Variants in FILIP1L observed in about 807,000 individuals in gnomAD.
FILIP1L encodes filamin A-interacting protein 1-like.
A neutral mutation model predicts 96.6 loss-of-function variants in FILIP1L; 55 were observed. The ratio of observed to expected loss-of-function variants is 0.57; its 90% CI spans 0.46 to 0.71. FILIP1L has a LOEUF of 0.71. Ranked by LOEUF, FILIP1L falls within the 30% of genes least tolerant of loss-of-function variation. The pLI, the probability that FILIP1L is intolerant of heterozygous loss-of-function variation, is 0.00. For missense variants in FILIP1L, 1,304 were observed against 1,321.2 expected (o/e 0.99, Z 0.20); for synonymous variants, 467 against 473.9 (o/e 0.99, Z 0.19).
intron 1 of FILIP1L, among the ~76,000 whole-genome samples, chr3:100,074,321 A>T (rs969750822): frequency 6.6e-6 from 1 of 151,920 alleles, no homozygotes; most frequent in East Asian, 1.9e-4. Context: ...GAATCCCTAC[A>T]CTCTGGGAAC....
chr3:99,984,058 GTT>G (rs1491323767), intron 1 of FILIP1L, among the ~76,000 whole-genome samples: 3 of 151,828 alleles, frequency 2.0e-5, no homozygotes, highest in African/African-American at 4.8e-5. Flanking sequence ...ATGTATGTGT[GTT>G]TGTGTGTGTG....
intron 1 of FILIP1L, among the ~76,000 whole-genome samples, chr3:100,098,305 G>C (rs1050436684): frequency 1.4e-4 from 21 of 152,174 alleles, no homozygotes; most frequent in African/African-American, 4.8e-4. Flanking sequence ...CTGTGTTTTA[G>C]AGTGAAAAAC....
chr3:99,995,661 A>G (rs1709656864), intron 1 of FILIP1L, among the ~76,000 whole-genome samples: 1 of 152,172 alleles, frequency 6.6e-6, no homozygotes, highest in Non-Finnish European at 1.5e-5. Context: ...AGGCGTTTCC[A>G]TACATCTTCT....
chr3:99,992,638 T>C (rs1451434842), intron 1 of FILIP1L, among the ~76,000 whole-genome samples: 1 of 152,148 alleles, frequency 6.6e-6, no homozygotes, highest in Non-Finnish European at 1.5e-5. Context: ...GTTGATTATT[T>C]CTTTTGGTAT....
At chr3:100,014,887 C>CTTTTTTTTTTTTTTTTTTTTTTTTTTT (rs1559725867) in intron 1 of FILIP1L, among the ~76,000 whole-genome samples, 3 of 32,464 alleles carry the variant, frequency 9.2e-5, no homozygotes, top group African/African-American at 1.2e-4. Context: ...TTTTTTTTTT[C>CTTTTTTTTTTTTTTTTTTTTTTTTTTT]TTTCTTTCTT....
chr3:99,883,429 T>C (rs1705794109), intron 4 of FILIP1L, among the ~76,000 whole-genome samples: 1 of 152,212 alleles, frequency 6.6e-6, no homozygotes, highest in African/African-American at 2.4e-5. Flanking sequence ...GTCCAAAAGG[T>C]TGGTGCTTAG....
At chr3:99,852,987 T>TA (rs1327239141) in intron 4 of FILIP1L, among the ~76,000 whole-genome samples, 1 of 152,196 alleles carries the variant, frequency 6.6e-6, no homozygotes, top group Admixed American at 6.5e-5. Flanking sequence ...ATTCAGAAGA[T>TA]GCTAGGCAGG....
chr3:99,934,710 A>G (rs950704612), intron 1 of FILIP1L, among the ~76,000 whole-genome samples: 4 of 152,242 alleles, frequency 2.6e-5, no homozygotes, highest in Non-Finnish European at 5.9e-5. Context: ...AGCTCTGTAT[A>G]CATTCTAGCT....
intron 1 of FILIP1L, among the ~76,000 whole-genome samples, chr3:99,947,494 T>C (rs951630761): frequency 6.6e-6 from 1 of 152,192 alleles, no homozygotes; most frequent in Non-Finnish European, 1.5e-5. Context: ...CTTTTCCCTA[T>C]GGATCCAGAA....
chr3:99,867,455 A>G (rs1441253592), intron 4 of FILIP1L, among the ~76,000 whole-genome samples: 2 of 152,248 alleles, frequency 1.3e-5, no homozygotes, highest in African/African-American at 4.8e-5. Flanking sequence ...TTCACTATTC[A>G]TCGCTTTTTA....
chr3:99,994,487 A>T (rs966421896), intron 1 of FILIP1L, among the ~76,000 whole-genome samples: 16 of 152,264 alleles, frequency 1.1e-4, no homozygotes, highest in African/African-American at 3.6e-4. Flanking sequence ...GTTAGGCCAC[A>T]AAACAAGTCT....
chr3:99,995,371 G>A (rs1349159944), intron 1 of FILIP1L, among the ~76,000 whole-genome samples: 2 of 152,174 alleles, frequency 1.3e-5, no homozygotes, highest in Admixed American at 1.3e-4. Context: ...ATGGTCTTAG[G>A]CAGCTCAGCC....
intron 1 of FILIP1L, among the ~76,000 whole-genome samples, chr3:100,029,949 A>G (rs184290828): frequency 6.6e-6 from 1 of 152,218 alleles, no homozygotes; most frequent in Non-Finnish European, 1.5e-5. Context: ...CAGGTGTGAC[A>G]TGAGTGAGGA....
At chr3:100,057,162 A>G (rs979803461) in intron 1 of FILIP1L, among the ~76,000 whole-genome samples, 3 of 152,188 alleles carry the variant, frequency 2.0e-5, no homozygotes, top group Non-Finnish European at 2.9e-5. Context: ...ATTTAGCTGT[A>G]TAATCTTTGC....
Position 99,931,044 on chromosome 3 carries a change from A to G in FILIP1L, c.-10-14T>C. 2 of 1,606,656 alleles carry G rather than the reference A, an allele frequency of 1.2e-6. No homozygotes were observed. The highest frequency in any genetic ancestry group is 1.7e-6 in the Non-Finnish European group (2 of 1,176,560). The stretch of plus-strand genomic sequence containing the variant: ...ATTCTTTAAAGCCTGGAAGGAGGGA[A>G]GAAAATTTGTAAAGCTTAATGGAAA... On this transcript the variant is annotated splice_polypyrimidine_tract_variant and intron_variant, in intron 1 of 5. Transcript: ENST00000477258.
intron 1 of FILIP1L, among the ~76,000 whole-genome samples, chr3:99,971,212 T>C (rs1343477666): frequency 6.6e-6 from 1 of 151,924 alleles, no homozygotes; most frequent in Admixed American, 6.6e-5. Flanking sequence ...TGGTGGCAGA[T>C]GCCTGTAGTC....
chr3:100,034,092 G>A (rs1473867516), intron 1 of FILIP1L, among the ~76,000 whole-genome samples: 1 of 152,174 alleles, frequency 6.6e-6, no homozygotes, highest in Non-Finnish European at 1.5e-5. Flanking sequence ...CTTAAGAAAA[G>A]AAGTAATTTG....
At chr3:99,851,314 T>C (rs1027948513) in intron 4 of FILIP1L, among the ~76,000 whole-genome samples, 3 of 151,978 alleles carry the variant, frequency 2.0e-5, no homozygotes, top group Non-Finnish European at 1.5e-5. Context: ...AGTAAAAGAG[T>C]AAGGGCAAGA....
At position 100,057,732 on chromosome 3, in the gene FILIP1L, G is replaced by A. The variant is rs374449306; in HGVS notation, c.-11+56321C>T. On this transcript the variant is annotated intron_variant, in intron 1 of 5. Coordinates refer to ENST00000477258, the MANE Select transcript of FILIP1L (RefSeq NM_001387850.1). ...GTTTCATAAATGCATGCATTTGGTC[G>A]CAGAAGGTATGGATGTGAGCGTGGC... is the stretch of plus-strand genomic sequence containing the variant. Among the ~76,000 whole-genome samples, 124 of 152,252 alleles carry A rather than the reference G, an allele frequency of 8.1e-4. 1 individual carries two copies. The highest frequency in any genetic ancestry group is 5.3e-4 in the African/African-American group (22 of 41,546).
Sources: gnomAD v4.1 joint callset for allele counts (sites outside exome capture counted in the v4.1 genomes callset) on GRCh38, gnomAD v4.1.1 for gene constraint, MANE v1.5 for transcripts, NCBI Gene and HGNC (gene_info 2026-07-23, HGNC 2026-07-21) for gene names.